ZDHHC17: variants seen among roughly 807,000 people sequenced by gnomAD.
ZDHHC17 encodes zDHHC palmitoyltransferase 17, also known as palmitoyltransferase ZDHHC17.
A neutral mutation model predicts 90.3 loss-of-function variants in ZDHHC17; 40 were observed. The ratio of observed to expected loss-of-function variants is 0.44; its 90% CI spans 0.34 to 0.58. The LOEUF is 0.58. Among genes scored for constraint, ZDHHC17 ranks in the 20% least tolerant of loss-of-function variants. ZDHHC17 has a pLI of 0.01. For missense variants in ZDHHC17, 614 were observed against 780.8 expected (o/e 0.79, Z 2.55); for synonymous variants, 235 against 252.4 (o/e 0.93, Z 0.65).
At chr12:76,849,520 CT>C in intron 16 of ZDHHC17, 50 bp downstream of exon 16, 1 of 1,228,456 alleles carries the variant, frequency 8.1e-7, no homozygotes. Context: ...TAAAAATTTT[CT>C]TACTAACCAG....
At chr12:76,797,186 C>T (rs904577405) in intron 1 of ZDHHC17, among the ~76,000 whole-genome samples, 8 of 152,006 alleles carry the variant, frequency 5.3e-5, no homozygotes, top group Non-Finnish European at 7.4e-5. Flanking sequence ...TCACTTAAAC[C>T]TGGGAGGCAG....
chr12:76,822,771 GTGACTTCAGATGACTTCACC>G (rs1337471587), intron 8 of ZDHHC17, among the ~76,000 whole-genome samples: 3 of 151,562 alleles, frequency 2.0e-5, no homozygotes, highest in Non-Finnish European at 4.4e-5. Context: ...GTTGGCCATG[GTGACTTCAGATGACTTCACC>G]TGACTTCAGG....
intron 1 of ZDHHC17, among the ~76,000 whole-genome samples, chr12:76,785,540 A>G (rs1466819461): frequency 1.3e-5 from 2 of 152,214 alleles, no homozygotes; most frequent in African/African-American, 4.8e-5. Context: ...ATGTCCTGAT[A>G]AACCCATCGT....
At chr12:76,843,188 G>A (rs1979743) in intron 12 of ZDHHC17, among the ~76,000 whole-genome samples, 92,814 of 151,944 alleles carry the variant, frequency 0.61, 28,407 homozygotes, top group East Asian at 0.67. Context: ...CTTTTGATTC[G>A]GAGGTGCCGT....
intron 1 of ZDHHC17, among the ~76,000 whole-genome samples, chr12:76,794,078 G>T (rs2137741305): frequency 6.6e-6 from 1 of 151,998 alleles, no homozygotes; most frequent in East Asian, 1.9e-4. Context: ...GTAGAGACGG[G>T]GTTTCACTGT....
At chr12:76,819,528 T>A (rs913155751) in intron 7 of ZDHHC17, among the ~76,000 whole-genome samples, 2 of 152,176 alleles carry the variant, frequency 1.3e-5, no homozygotes, top group Non-Finnish European at 2.9e-5. Flanking sequence ...TTATAATAAT[T>A]CTATAAGATC....
chr12:76,853,500 C>T lies in ZDHHC17; in HGVS notation c.*2515C>T, dbSNP rs1474095068. On this transcript the variant is annotated 3_prime_UTR_variant, in exon 17 of 17. Transcript: ENST00000426126. ...TTTGATATTAATGGGCGTAAAACAG[C>T]ATCATTGTACTTAAGCTATGGATGT... The T allele has an allele frequency of 6.6e-6, 1 of 152,534 alleles. No homozygotes were observed. Among genetic ancestry groups the T allele is most frequent in the Non-Finnish European group, 1.5e-5 (1 of 67,950 alleles). 9.4% of individuals were successfully genotyped at this position (152,534 alleles called of 1,614,324 possible).
At chr12:76,846,394 T>C (rs1953495007) in intron 13 of ZDHHC17, 2 of 547,022 alleles carry the variant, frequency 3.7e-6, no homozygotes, top group South Asian at 5.2e-5. Flanking sequence ...TTGTCATCAT[T>C]ATATCTTTGT....
In ZDHHC17 at chr12:76,851,034, T is replaced by C. The variant is rs767870652; in HGVS notation, c.*49T>C. 1 of 1,608,848 alleles carries C rather than the reference T, an allele frequency of 6.2e-7. No homozygotes were observed. Among genetic ancestry groups the C allele is most frequent in the Non-Finnish European group, 8.5e-7 (1 of 1,177,366 alleles). ...ATTGCTGAGTGGTGCCTGAAAATTG[T>C]GTCTGTCCGTGTCTTTCTCACACTC... On this transcript the variant is annotated 3_prime_UTR_variant, in exon 17 of 17. Coordinates refer to ENST00000426126, the MANE Select transcript of ZDHHC17 (RefSeq NM_015336.4).
chr12:76,821,784 A>G (rs1358755658), intron 7 of ZDHHC17, among the ~76,000 whole-genome samples: 1 of 152,146 alleles, frequency 6.6e-6, no homozygotes, highest in East Asian at 1.9e-4. Flanking sequence ...TATTCCTATC[A>G]TGTAAATTCC....
At chr12:76,776,432 CAG>C (rs1952561305) in intron 1 of ZDHHC17, among the ~76,000 whole-genome samples, 1 of 152,108 alleles carries the variant, frequency 6.6e-6, no homozygotes. Flanking sequence ...AAAGTACACT[CAG>C]AATTTTCTAT....
At chr12:76,777,824 T>G (rs1001314719) in intron 1 of ZDHHC17, among the ~76,000 whole-genome samples, 1 of 151,950 alleles carries the variant, frequency 6.6e-6, no homozygotes, top group Non-Finnish European at 1.5e-5. Flanking sequence ...CTGAGTTAGG[T>G]TTGTGCGTGT....
chr12:76,836,953 T>C (rs1953372336), intron 10 of ZDHHC17, among the ~76,000 whole-genome samples: 1 of 152,226 alleles, frequency 6.6e-6, no homozygotes, highest in South Asian at 2.1e-4. Flanking sequence ...AGTATTGCTT[T>C]AAATAATTTA....
intron 1 of ZDHHC17, among the ~76,000 whole-genome samples, chr12:76,765,954 A>G (rs1282531880): frequency 6.6e-6 from 1 of 152,204 alleles, no homozygotes; most frequent in African/African-American, 2.4e-5. Context: ...CTCTCACCTT[A>G]GCTACTTAAA....
chr12:76,795,380 G>A (rs1369761464), intron 1 of ZDHHC17, among the ~76,000 whole-genome samples: 1 of 152,116 alleles, frequency 6.6e-6, no homozygotes, highest in African/African-American at 2.4e-5. Context: ...GGGTCCAAGT[G>A]TACATTGTAG....
At chr12:76,790,425 C>T (rs1017090721) in intron 1 of ZDHHC17, among the ~76,000 whole-genome samples, 6 of 152,040 alleles carry the variant, frequency 3.9e-5, no homozygotes, top group African/African-American at 1.4e-4. Flanking sequence ...TCAGTTGAAC[C>T]CAGGAGGTGG....
intron 10 of ZDHHC17, among the ~76,000 whole-genome samples, chr12:76,833,937 T>C (rs1294118428): frequency 6.6e-6 from 1 of 152,214 alleles, no homozygotes; most frequent in Non-Finnish European, 1.5e-5. Flanking sequence ...ACAACCTGAA[T>C]AGCCAACCTA....
chr12:76,839,729 TAGC>T (rs778409781), intron 10 of ZDHHC17, among the ~76,000 whole-genome samples: 4 of 152,202 alleles, frequency 2.6e-5, no homozygotes, highest in Non-Finnish European at 5.9e-5. Flanking sequence ...AACGATAAAA[TAGC>T]AGGTATTTGC....
At chr12:76,784,451 A>G (rs1952663296) in intron 1 of ZDHHC17, among the ~76,000 whole-genome samples, 1 of 152,242 alleles carries the variant, frequency 6.6e-6, no homozygotes, top group African/African-American at 2.4e-5. Flanking sequence ...TCAGCAGTAT[A>G]TAAATGGATA....
Sources: gnomAD v4.1 joint callset for allele counts (sites outside exome capture counted in the v4.1 genomes callset) on GRCh38, gnomAD v4.1.1 for gene constraint, MANE v1.5 for transcripts, NCBI Gene and HGNC (gene_info 2026-07-23, HGNC 2026-07-21) for gene names.